Variants in TTC6 observed in about 807,000 individuals in gnomAD.
TTC6 encodes tetratricopeptide repeat domain 6.
TTC6 carries 172 observed loss-of-function variants against 210.4 expected under a neutral mutation model. The ratio of observed to expected loss-of-function variants is 0.82; its 90% confidence interval spans 0.72 to 0.93. TTC6 has a LOEUF of 0.93. Among genes scored for constraint, TTC6 ranks in the 40% least tolerant of loss-of-function variants. The pLI, the probability that TTC6 is intolerant of heterozygous loss-of-function variation, is 0.00. For missense variants in TTC6, 2,414 were observed against 2,318.1 expected (o/e 1.04, Z -0.85); for synonymous variants, 804 against 819.6 (o/e 0.98, Z 0.32).
intron 14 of TTC6, among the ~76,000 whole-genome samples, chr14:37,766,385 C>G (rs922609025): frequency 4.6e-5 from 7 of 152,150 alleles, no homozygotes; most frequent in Non-Finnish European, 8.8e-5. Context: ...AAGTAGAACC[C>G]CATGTCTATT....
intron 1 of TTC6, among the ~76,000 whole-genome samples, chr14:37,645,818 A>G (rs993654474): frequency 6.6e-6 from 1 of 152,216 alleles, no homozygotes; most frequent in Non-Finnish European, 1.5e-5. Flanking sequence ...AGTGGTTCTC[A>G]GTACTATCAG....
chr14:37,615,719 T>C (rs1411650645), intron 2 of TTC6, among the ~76,000 whole-genome samples: 1 of 152,230 alleles, frequency 6.6e-6, no homozygotes, highest in Non-Finnish European at 1.5e-5. Context: ...TCTAATAATC[T>C]GAACATCTGA....
chr14:37,806,255 TAG>T, intron 21 of TTC6, 104 bp from the exon 24 acceptor site: 2 of 1,175,646 alleles, frequency 1.7e-6, no homozygotes, highest in Non-Finnish European at 2.3e-6. Flanking sequence ...AATCCAAAAA[TAG>T]AGTGAAACTT....
chr14:37,769,027 G>C (rs1418696195), intron 14 of TTC6, among the ~76,000 whole-genome samples: 2 of 152,206 alleles, frequency 1.3e-5, no homozygotes, highest in East Asian at 3.9e-4. Flanking sequence ...GTTGAATTTT[G>C]TCAAAGGCCT....
chr14:37,676,911 T>C (rs1221992858), intron 1 of TTC6, among the ~76,000 whole-genome samples: 1 of 152,116 alleles, frequency 6.6e-6, no homozygotes, highest in Admixed American at 6.6e-5. Context: ...TTTATTCCAT[T>C]GATCTAGATG....
intron 5 of TTC6, among the ~76,000 whole-genome samples, chr14:37,703,920 A>G (rs1224504421): frequency 6.6e-6 from 1 of 152,170 alleles, no homozygotes; most frequent in Non-Finnish European, 1.5e-5. Context: ...CAAAATGATT[A>G]AAGGTATTTA....
At chr14:37,787,362 A>C in intron 14 of TTC6, 106 bp from the exon 17 acceptor site, 1 of 839,040 alleles carries the variant, frequency 1.2e-6, no homozygotes, top group South Asian at 2.8e-5. Flanking sequence ...AGCAAGGAGA[A>C]ACATTTACAA....
intron 14 of TTC6, among the ~76,000 whole-genome samples, chr14:37,772,836 C>G (rs1316215489): frequency 2.6e-5 from 4 of 152,142 alleles, no homozygotes; most frequent in African/African-American, 9.6e-5. Flanking sequence ...TCCCTCCAAA[C>G]TACTTTCCAC....
At chr14:37,723,071 G>C (rs1014984570) in intron 6 of TTC6, among the ~76,000 whole-genome samples, 4 of 152,002 alleles carry the variant, frequency 2.6e-5, no homozygotes, top group Admixed American at 1.3e-4. Flanking sequence ...TATTAGTTTT[G>C]ATAAAATTAT....
chr14:37,599,083 G>A (rs1467675046), intron 1 of TTC6, among the ~76,000 whole-genome samples: 5 of 152,186 alleles, frequency 3.3e-5, no homozygotes, highest in Non-Finnish European at 7.3e-5. Context: ...CTGGGACGCT[G>A]GAAACAAGGG....
At chr14:37,813,063 A>T (rs1431990730) in intron 25 of TTC6, among the ~76,000 whole-genome samples, 1 of 152,194 alleles carries the variant, frequency 6.6e-6, no homozygotes, top group Non-Finnish European at 1.5e-5. Context: ...AAAATTAAAT[A>T]GCAATTAGAG....
At chr14:37,831,915 A>G (rs549631188) in intron 29 of TTC6, among the ~76,000 whole-genome samples, 1 of 152,072 alleles carries the variant, frequency 6.6e-6, no homozygotes, top group Non-Finnish European at 1.5e-5. Flanking sequence ...TGCCATTCCT[A>G]TGCAGAAGCT....
intron 2 of TTC6, among the ~76,000 whole-genome samples, chr14:37,615,064 A>G (rs1197458222): frequency 6.6e-6 from 1 of 152,198 alleles, no homozygotes. Context: ...ACATTTAAAA[A>G]AAATCTTTTA....
intron 1 of TTC6, among the ~76,000 whole-genome samples, chr14:37,606,255 G>C (rs1228797115): frequency 6.6e-6 from 1 of 152,106 alleles, no homozygotes; most frequent in African/African-American, 2.4e-5. Context: ...AGGGGACTCT[G>C]GGGGTTATTC....
intron 14 of TTC6, among the ~76,000 whole-genome samples, chr14:37,780,481 A>G (rs1273952527): frequency 6.6e-6 from 1 of 152,118 alleles, no homozygotes; most frequent in Non-Finnish European, 1.5e-5. Flanking sequence ...GCTCCCATTT[A>G]TAAGTGAGAA....
At chr14:37,765,176 T>C (rs1365260368) in intron 14 of TTC6, among the ~76,000 whole-genome samples, 1 of 151,998 alleles carries the variant, frequency 6.6e-6, no homozygotes, top group African/African-American at 2.4e-5. Flanking sequence ...AAAAAATTTT[T>C]TTTAGAGACA....
At chr14:37,641,563 T>C (rs954596672) in intron 1 of TTC6, among the ~76,000 whole-genome samples, 1 of 152,216 alleles carries the variant, frequency 6.6e-6, no homozygotes, top group African/African-American at 2.4e-5. Context: ...TGAATCTTAG[T>C]CTCACCACAG....
chr14:37,622,888 C>A, exon 1 of TTC6: 1 of 1,535,124 alleles, frequency 6.5e-7, no homozygotes. Flanking sequence ...GTGATCCCCA[C>A]GTCCATCGAA....
chr14:37,697,994 G>A (rs1489952960), intron 4 of TTC6, among the ~76,000 whole-genome samples: 1 of 151,908 alleles, frequency 6.6e-6, no homozygotes, highest in Non-Finnish European at 1.5e-5. Context: ...AAAACACACA[G>A]CCTTTCCTGA....
Sources: gnomAD v4.1 joint callset for allele counts (sites outside exome capture counted in the v4.1 genomes callset) on GRCh38, gnomAD v4.1.1 for gene constraint, MANE v1.5 for transcripts, NCBI Gene and HGNC (gene_info 2026-07-23, HGNC 2026-07-21) for gene names.